The following FHIT variants were observed in gnomAD, a reference collection of about 807,000 sequenced individuals.
FHIT encodes bis(5'-adenosyl)-triphosphatase.
A neutral mutation model predicts 17.9 loss-of-function variants in FHIT; 19 were observed. The observed-to-expected ratio is 1.06, with a 90% confidence interval of 0.74 to 1.56. The LOEUF (loss-of-function observed/expected upper bound fraction) is 1.56. Among genes scored for constraint, FHIT ranks in the 40% most tolerant of loss-of-function variants. The pLI is 0.00. For synonymous variants in FHIT, 81 were observed against 69.7 expected, an observed-to-expected ratio of 1.16 and a Z score of -0.81; for missense variants, 248 against 189.2, an observed-to-expected ratio of 1.31 and a Z score of -1.82.
chr3:61,187,493 A>T (rs1474056618), intron 2 of FHIT, among the ~76,000 whole-genome samples: 2 of 152,164 alleles, frequency 1.3e-5, no homozygotes, highest in African/African-American at 4.8e-5. Flanking sequence ...GAGACTTTAA[A>T]AACCCACTGT....
intron 5 of FHIT, among the ~76,000 whole-genome samples, chr3:60,127,572 T>C (rs1361730867): frequency 6.6e-6 from 1 of 152,170 alleles, no homozygotes; most frequent in Admixed American, 6.5e-5. Flanking sequence ...TCTTATTTTT[T>C]ATGCTTAAAT....
intron 1 of FHIT, among the ~76,000 whole-genome samples, chr3:61,238,290 A>T (rs949730059): frequency 1.3e-5 from 2 of 152,182 alleles, no homozygotes; most frequent in African/African-American, 4.8e-5. Flanking sequence ...AGACTCAGCT[A>T]ACCAGAGAAA....
rs144276840 is a variant in FHIT, at chr3:61,209,549, C to T, written c.-212-8884G>A. Among the ~76,000 whole-genome samples, 554 of 151,716 alleles carry T rather than the reference C, an allele frequency of 3.7e-3. 6 individuals carry two copies. Among genetic ancestry groups the T allele is most frequent in the African/African-American group, 0.012 (517 of 41,390 alleles). On this transcript the variant is annotated intron_variant, in intron 1 of 9. Coordinates refer to ENST00000492590, the MANE Select transcript of FHIT (RefSeq NM_002012.4). ...TATTTTTTTTCTAAACTTCTCTTCT[C>T]GCTTCATTTCATTCGTCTTCCATCA...
intron 5 of FHIT, among the ~76,000 whole-genome samples, chr3:60,456,454 T>C (rs1043454644): frequency 1.3e-5 from 2 of 152,246 alleles, no homozygotes; most frequent in African/African-American, 2.4e-5. Context: ...GGGAACACTA[T>C]GTACCTTCTT....
At chr3:60,436,780 C>T (rs1342526119) in intron 5 of FHIT, among the ~76,000 whole-genome samples, 2 of 152,052 alleles carry the variant, frequency 1.3e-5, no homozygotes, top group Non-Finnish European at 2.9e-5. Context: ...ATTTCTAAGG[C>T]ATTAATATTA....
intron 2 of FHIT, among the ~76,000 whole-genome samples, chr3:61,061,760 GA>G (rs1257967991): frequency 4.6e-5 from 7 of 151,984 alleles, no homozygotes; most frequent in Non-Finnish European, 1.5e-5. Context: ...AATATAAAAT[GA>G]TAATTACAAG....
At chr3:60,165,619 T>C (rs1353251734) in intron 5 of FHIT, among the ~76,000 whole-genome samples, 3 of 152,112 alleles carry the variant, frequency 2.0e-5, no homozygotes, top group Non-Finnish European at 4.4e-5. Flanking sequence ...AGACTAAGAA[T>C]GTCAAATGAG....
At chr3:60,844,602 T>C (rs1258350761) in intron 3 of FHIT, among the ~76,000 whole-genome samples, 10 of 152,168 alleles carry the variant, frequency 6.6e-5, no homozygotes, top group African/African-American at 2.4e-4. Flanking sequence ...CAATTCTTTC[T>C]TAATGCCACA....
At chr3:61,209,102 C>T (rs2039358780) in intron 1 of FHIT, among the ~76,000 whole-genome samples, 1 of 152,036 alleles carries the variant, frequency 6.6e-6, no homozygotes, top group African/African-American at 2.4e-5. Context: ...ATATGAAATG[C>T]TGGGTTGAAA....
At chr3:61,213,772 C>A (rs1228213144) in intron 1 of FHIT, among the ~76,000 whole-genome samples, 2 of 152,164 alleles carry the variant, frequency 1.3e-5, no homozygotes, top group Admixed American at 1.3e-4. Context: ...CTCTCCTGAG[C>A]AAATGTAAAA....
chr3:60,960,802 T>A (rs1027359891), intron 3 of FHIT, among the ~76,000 whole-genome samples: 1 of 152,250 alleles, frequency 6.6e-6, no homozygotes, highest in African/African-American at 2.4e-5. Context: ...ATGTTGTATA[T>A]GTGCCACATT....
At chr3:60,170,891 C>G (rs1701390413) in intron 5 of FHIT, among the ~76,000 whole-genome samples, 1 of 152,052 alleles carries the variant, frequency 6.6e-6, no homozygotes, top group South Asian at 2.1e-4. Context: ...AAATATTGAG[C>G]AACTCTCCTA....
chr3:60,344,841 G>A (rs1479734297), intron 5 of FHIT, among the ~76,000 whole-genome samples: 1 of 151,748 alleles, frequency 6.6e-6, no homozygotes, highest in African/African-American at 2.4e-5. Context: ...TATTAGCCAA[G>A]ATATCATAAA....
chr3:60,716,367 T>G (rs1287842931), intron 4 of FHIT, among the ~76,000 whole-genome samples: 1 of 152,110 alleles, frequency 6.6e-6, no homozygotes, highest in African/African-American at 2.4e-5. Context: ...CTATAAGCTT[T>G]TTTATATTTT....
At chr3:60,582,049 A>C (rs2037764203) in intron 4 of FHIT, among the ~76,000 whole-genome samples, 1 of 151,942 alleles carries the variant, frequency 6.6e-6, no homozygotes, top group Non-Finnish European at 1.5e-5. Flanking sequence ...TTCAAAACCT[A>C]AGGGTCTGAA....
intron 4 of FHIT, among the ~76,000 whole-genome samples, chr3:60,550,599 C>T (rs559908643): frequency 2.4e-5 from 3 of 122,596 alleles, no homozygotes; most frequent in Non-Finnish European, 5.0e-5. Flanking sequence ...GTTACCTCTT[C>T]TCTGTTCTGT....
chr3:60,978,610 A>T (rs945925674), intron 3 of FHIT, among the ~76,000 whole-genome samples: 2 of 152,222 alleles, frequency 1.3e-5, no homozygotes, highest in Non-Finnish European at 2.9e-5. Flanking sequence ...GTGTGGTCAC[A>T]GGTGAGTTTT....
chr3:60,015,101 T>A (rs1700292809), intron 5 of FHIT, among the ~76,000 whole-genome samples: 1 of 152,036 alleles, frequency 6.6e-6, no homozygotes, highest in Non-Finnish European at 1.5e-5. Flanking sequence ...GTTTTTCTGT[T>A]TCTTTTTTCT....
At chr3:60,892,850 T>C (rs1705590696) in intron 3 of FHIT, among the ~76,000 whole-genome samples, 1 of 152,190 alleles carries the variant, frequency 6.6e-6, no homozygotes, top group Non-Finnish European at 1.5e-5. Flanking sequence ...GATACATAAC[T>C]ACAAAATACA....
Sources: allele counts gnomAD v4.1 joint callset (sites outside exome capture counted in the v4.1 genomes callset), GRCh38; gene constraint gnomAD v4.1.1; transcripts MANE v1.5; gene names NCBI Gene and HGNC (gene_info 2026-07-23, HGNC 2026-07-21).